Variants in RYR2 observed in about 807,000 individuals in gnomAD.
The protein encoded by RYR2 is ryanodine receptor 2, also known as cardiac muscle ryanodine receptor-calcium release channel.
RYR2 carries 227 observed loss-of-function variants against 601.1 expected under a neutral mutation model. The ratio of observed to expected loss-of-function variants is 0.38; its 90% CI spans 0.34 to 0.42. The LOEUF (loss-of-function observed/expected upper bound fraction) is 0.42, where lower values mean the gene tolerates loss of function less well. Among genes scored for constraint, RYR2 ranks in the 10% least tolerant of loss-of-function variants. The pLI, the probability that RYR2 is intolerant of heterozygous loss-of-function variation, is 1.00. For synonymous variants in RYR2, 2,223 were observed against 2,175.1 expected, an observed-to-expected ratio of 1.02 and a Z score of -0.61; for missense variants, 4,646 against 6,156.5, an observed-to-expected ratio of 0.75 and a Z score of 8.21.
intron 2 of RYR2, among the ~76,000 whole-genome samples, chr1:237,327,261 G>A (rs776116907): frequency 7.2e-5 from 11 of 152,110 alleles, no homozygotes; most frequent in Non-Finnish European, 1.3e-4. Flanking sequence ...AATGGGTGGC[G>A]TTTGTAAGAC....
intron 1 of RYR2, among the ~76,000 whole-genome samples, chr1:237,192,740 C>T (rs1044567730): frequency 1.1e-4 from 17 of 152,104 alleles, no homozygotes; most frequent in African/African-American, 4.1e-4. Context: ...AACAGAGATA[C>T]GTAACTTAAG....
intron 80 of RYR2, among the ~76,000 whole-genome samples, chr1:237,754,768 C>T (rs942454034): frequency 3.3e-5 from 5 of 152,094 alleles, no homozygotes; most frequent in East Asian, 1.9e-4. Flanking sequence ...GAAGAGCAGA[C>T]GAAAGGGTCC....
Position 237,423,443 on chromosome 1 carries a change from G to GA in RYR2, c.1005+198dup, listed in dbSNP as rs1215212629. Among the ~76,000 whole-genome samples, 3 of 152,038 alleles carry GA rather than the reference G, an allele frequency of 2.0e-5. No individual in the cohort carries two copies. The East Asian group carries it at 5.8e-4, about 29-fold the overall frequency. ...TCTAAACCATTAAAACCTGCCTATA[G>GA]AAACAATCTAAATGTACAATAAAGG... On this transcript the variant is annotated intron_variant, in intron 12 of 104. Coordinates refer to ENST00000366574, the MANE Select transcript of RYR2 (RefSeq NM_001035.3).
chr1:237,176,626 T>G (rs2148931123), intron 1 of RYR2, among the ~76,000 whole-genome samples: 1 of 152,306 alleles, frequency 6.6e-6, no homozygotes, highest in East Asian at 1.9e-4. Context: ...TAGCAATATA[T>G]GAACTTTCTG....
intron 1 of RYR2, among the ~76,000 whole-genome samples, chr1:237,232,387 C>T (rs1177567689): frequency 2.6e-5 from 4 of 152,154 alleles, no homozygotes; most frequent in African/African-American, 9.7e-5. Flanking sequence ...AAGGTTCAGA[C>T]AGTTTCTGTA....
chr1:237,588,023 A>AG (rs2148418374), intron 29 of RYR2, among the ~76,000 whole-genome samples: 1 of 152,282 alleles, frequency 6.6e-6, no homozygotes, highest in African/African-American at 2.4e-5. Context: ...AATACAATAG[A>AG]TTTTTTATTT....
intron 29 of RYR2, among the ~76,000 whole-genome samples, chr1:237,576,897 T>C (rs551012130): frequency 3.9e-5 from 6 of 152,256 alleles, no homozygotes; most frequent in African/African-American, 1.4e-4. Flanking sequence ...GAAATGCAAA[T>C]TCATAATTAA....
chr1:237,666,680 T>G (rs2148873321), intron 57 of RYR2, 91 bp downstream of exon 57: 1 of 1,002,944 alleles, frequency 1.0e-6, no homozygotes, highest in Non-Finnish European at 1.5e-6. Flanking sequence ...GGCAGCATGG[T>G]TTATTTGAAT....
chr1:237,801,822 C>T, intron 97 of RYR2, 34 bp from the exon 98 acceptor site: 1 of 1,412,530 alleles, frequency 7.1e-7, no homozygotes. Flanking sequence ...GGTTAATGTG[C>T]ATAACTACGC....
chr1:237,588,193 A>G (rs967235462), intron 29 of RYR2, among the ~76,000 whole-genome samples: 5 of 152,096 alleles, frequency 3.3e-5, no homozygotes, highest in African/African-American at 9.7e-5. Context: ...ACAGCTGGAT[A>G]TGTTCTTTTT....
chr1:237,635,931 G>A (rs573651664), intron 44 of RYR2, among the ~76,000 whole-genome samples: 1 of 152,200 alleles, frequency 6.6e-6, no homozygotes, highest in East Asian at 1.9e-4. Flanking sequence ...AGATACCATC[G>A]TGGCTCTTTG....
intron 47 of RYR2, among the ~76,000 whole-genome samples, chr1:237,641,471 GTCTTTCTT>G (rs796832994): frequency 0.02 from 2,182 of 108,566 alleles, 32 homozygotes; most frequent in East Asian, 0.1. Flanking sequence ...GTGTCTGTCT[GTCTTTCTT>G]TCTTTCTTTC....
intron 97 of RYR2, among the ~76,000 whole-genome samples, chr1:237,801,189 G>A (rs967261467): frequency 1.3e-5 from 2 of 151,678 alleles, no homozygotes; most frequent in African/African-American, 4.8e-5. Flanking sequence ...GTGAGGAAAT[G>A]TTTGATGTGT....
chr1:237,802,950 G>GCTGT (rs1660148104), intron 98 of RYR2, among the ~76,000 whole-genome samples: 2 of 152,148 alleles, frequency 1.3e-5, no homozygotes, highest in Admixed American at 6.5e-5. Flanking sequence ...ATTTTAGTAG[G>GCTGT]CTTTTATCCA....
Position 237,631,539 on chromosome 1 carries a change from A to C in RYR2, c.6553A>C (p.Lys2185Gln). ...GAACGTCCTTGGAGGTGGAGAGTCC[A>C]AGGTAACGTCTTTGATTCCTGAGAT... Reference protein sequence around the residue: ...MVNVLGGGESKEITFPKMVAN... With the variant: ...MVNVLGGGESQEITFPKMVAN... Residue 2185 changes from lysine to glutamine, a missense_variant and splice_region_variant, in exon 42 of 105, where the codon AAG (lysine) becomes CAG (glutamine). Around this residue, in one of 17 missense-constraint regions of RYR2, gnomAD observed 137 missense variants for 273.6 expected, o/e 0.50. Coordinates refer to ENST00000366574, the MANE Select transcript of RYR2 (RefSeq NM_001035.3). 6.3e-7 allele frequency: 1 copy of C among 1,594,530 alleles called. No individual in the cohort carries two copies. The highest frequency in any genetic ancestry group is 2.3e-5 in the East Asian group (1 of 44,246).
At chr1:237,769,864 C>T (rs573069440) in intron 84 of RYR2, among the ~76,000 whole-genome samples, 9 of 151,610 alleles carry the variant, frequency 5.9e-5, no homozygotes, top group South Asian at 4.2e-4. Flanking sequence ...TTTCCCCCCA[C>T]GGACACTTTC....
chr1:237,305,966 TAGA>T (rs922071915), intron 2 of RYR2, among the ~76,000 whole-genome samples: 1 of 152,224 alleles, frequency 6.6e-6, no homozygotes, highest in Non-Finnish European at 1.5e-5. Flanking sequence ...TATGAGGGCC[TAGA>T]AGATGTTGGT....
intron 35 of RYR2, among the ~76,000 whole-genome samples, chr1:237,607,548 C>G (rs1478644632): frequency 6.6e-6 from 1 of 152,054 alleles, no homozygotes; most frequent in Non-Finnish European, 1.5e-5. Flanking sequence ...ACATTGTGCA[C>G]ATGTACCCTA....
intron 100 of RYR2, among the ~76,000 whole-genome samples, chr1:237,817,640 G>T (rs530180205): frequency 1.7e-4 from 26 of 152,356 alleles, no homozygotes; most frequent in African/African-American, 5.5e-4. Flanking sequence ...TTAAAGCCAT[G>T]AAACTGGGAA....
Sources: gnomAD v4.1 joint callset for allele counts (sites outside exome capture counted in the v4.1 genomes callset) on GRCh38, gnomAD v4.1.1 for gene constraint, gnomAD v4.1.1 regional missense constraint, MANE v1.5 for transcripts, NCBI Gene and HGNC (gene_info 2026-07-23, HGNC 2026-07-21) for gene names.